NLGN1: variants seen among roughly 807,000 people sequenced by gnomAD.
NLGN1 encodes the protein neuroligin 1.
NLGN1 carries 12 observed loss-of-function variants against 65.5 expected under a neutral mutation model. The observed-to-expected ratio is 0.18, with a 90% CI of 0.12 to 0.30. The LOEUF (loss-of-function observed/expected upper bound fraction) is 0.30. NLGN1 is among the 10% of genes least tolerant of loss of function. The pLI is 1.00. For missense variants in NLGN1, 750 were observed against 1,007.1 expected (o/e 0.74, Z 3.46); for synonymous variants, 350 against 359.5 (o/e 0.97, Z 0.30).
chr3:173,973,633 C>T (rs1716782363), intron 4 of NLGN1, among the ~76,000 whole-genome samples: 1 of 151,744 alleles, frequency 6.6e-6, no homozygotes, highest in Admixed American at 6.6e-5. Context: ...TGGTAAAAGA[C>T]AAATTCTGTG....
intron 4 of NLGN1, among the ~76,000 whole-genome samples, chr3:173,968,796 T>C (rs1715492411): frequency 6.8e-6 from 1 of 147,440 alleles, no homozygotes; most frequent in African/African-American, 2.5e-5. Flanking sequence ...CCTCCCAGGT[T>C]CATGTAATTC....
At chr3:173,791,993 A>G (rs1395275499) in intron 3 of NLGN1, among the ~76,000 whole-genome samples, 1 of 152,114 alleles carries the variant, frequency 6.6e-6, no homozygotes, top group East Asian at 1.9e-4. Flanking sequence ...CTTAACATTT[A>G]TTGCATCAGG....
At chr3:174,012,004 C>T (rs975558332) in intron 4 of NLGN1, among the ~76,000 whole-genome samples, 6 of 152,038 alleles carry the variant, frequency 3.9e-5, no homozygotes, top group Admixed American at 3.9e-4. Flanking sequence ...GATGAAAGAC[C>T]ACAACTTCTC....
At chr3:173,539,937 G>A (rs62292667) in intron 2 of NLGN1, among the ~76,000 whole-genome samples, 68,633 of 147,486 alleles carry the variant, frequency 0.47, 15,784 homozygotes, top group East Asian at 0.79. Context: ...GTGTGTGTGT[G>A]TGTATATATA....
chr3:173,872,542 G>C (rs978587468), intron 4 of NLGN1, among the ~76,000 whole-genome samples: 5 of 152,112 alleles, frequency 3.3e-5, no homozygotes, highest in African/African-American at 4.8e-5. Flanking sequence ...AAAAGACTTT[G>C]GTGTGAGTTT....
At chr3:173,605,993 A>G (rs1751350240) in intron 3 of NLGN1, among the ~76,000 whole-genome samples, 1 of 152,122 alleles carries the variant, frequency 6.6e-6, no homozygotes, top group South Asian at 2.1e-4. Context: ...TGATCACTCA[A>G]TCACAAATCT....
intron 3 of NLGN1, among the ~76,000 whole-genome samples, chr3:173,699,141 C>T (rs1425223359): frequency 6.6e-6 from 1 of 152,100 alleles, no homozygotes; most frequent in Non-Finnish European, 1.5e-5. Flanking sequence ...CAAGCGTGAG[C>T]CACCGCACCT....
chr3:174,130,136 AG>A (rs1474280112), intron 4 of NLGN1, among the ~76,000 whole-genome samples: 1 of 152,192 alleles, frequency 6.6e-6, no homozygotes, highest in Non-Finnish European at 1.5e-5. Flanking sequence ...GCCCTTTGGG[AG>A]GCCAAGGCAG....
At chr3:174,073,581 G>A (rs954365118) in intron 4 of NLGN1, among the ~76,000 whole-genome samples, 1 of 152,148 alleles carries the variant, frequency 6.6e-6, no homozygotes, top group Non-Finnish European at 1.5e-5. Context: ...ATATGTAGCA[G>A]TGAAGCCTGA....
intron 4 of NLGN1, among the ~76,000 whole-genome samples, chr3:174,181,811 G>GCACACACACACACACACACACACA (rs1360202992): frequency 1.0e-5 from 1 of 98,166 alleles, no homozygotes; most frequent in Non-Finnish European, 2.1e-5. Flanking sequence ...ACACACATAT[G>GCACACACACACACACACACACACA]TATGTACACA....
At chr3:174,107,478 TTTA>T (rs1020182885) in intron 4 of NLGN1, among the ~76,000 whole-genome samples, 2 of 152,142 alleles carry the variant, frequency 1.3e-5, no homozygotes, top group African/African-American at 2.4e-5. Context: ...ATCTTTCCAG[TTTA>T]TTGTTAAGTA....
chr3:174,008,772 G>T (rs907255526), intron 4 of NLGN1, among the ~76,000 whole-genome samples: 2 of 151,932 alleles, frequency 1.3e-5, no homozygotes, highest in East Asian at 3.9e-4. Flanking sequence ...TTCACAAAAT[G>T]TAAGGTCCTT....
chr3:173,428,984 T>C (rs1022960559), intron 1 of NLGN1, among the ~76,000 whole-genome samples: 5 of 152,280 alleles, frequency 3.3e-5, no homozygotes, highest in South Asian at 4.1e-4. Flanking sequence ...AGTAGTCTTA[T>C]TTGGGTTGAA....
chr3:173,536,716 C>A (rs566070174), intron 2 of NLGN1, among the ~76,000 whole-genome samples: 2 of 152,150 alleles, frequency 1.3e-5, no homozygotes, highest in Non-Finnish European at 2.9e-5. Flanking sequence ...AGTCAGGACT[C>A]TCCAGATAAT....
At chr3:173,936,977 T>C (rs777391676) in intron 4 of NLGN1, among the ~76,000 whole-genome samples, 4 of 152,068 alleles carry the variant, frequency 2.6e-5, no homozygotes, top group Non-Finnish European at 5.9e-5. Context: ...CATATAAAAC[T>C]CATTTGAACA....
At chr3:173,400,558 C>T (rs1717483802) in intron 1 of NLGN1, among the ~76,000 whole-genome samples, 1 of 152,160 alleles carries the variant, frequency 6.6e-6, no homozygotes, top group Admixed American at 6.5e-5. Flanking sequence ...CTACCCCACC[C>T]CACCAAATAT....
At chr3:173,532,518 A>G (rs897019764) in intron 2 of NLGN1, among the ~76,000 whole-genome samples, 1 of 152,166 alleles carries the variant, frequency 6.6e-6, no homozygotes, top group Non-Finnish European at 1.5e-5. Flanking sequence ...TTTCTAAGCC[A>G]CTTGTCTTAC....
chr3:173,584,894 A>G (rs1747088085), intron 2 of NLGN1: 1 of 152,198 alleles, frequency 6.6e-6, no homozygotes, highest in African/African-American at 2.4e-5. Context: ...ATTTCAAAAA[A>G]GCGTCTAGAA....
chr3:174,290,653 A>C (rs1752664145), downstream of NLGN1, among the ~76,000 whole-genome samples: 1 of 151,156 alleles, frequency 6.6e-6, no homozygotes, highest in Non-Finnish European at 1.5e-5. Flanking sequence ...TATTTGCAAC[A>C]CATATAAGCA....
Sources: allele counts gnomAD v4.1 joint callset (sites outside exome capture counted in the v4.1 genomes callset), GRCh38; gene constraint gnomAD v4.1.1; transcripts MANE v1.5; gene names NCBI Gene and HGNC (gene_info 2026-07-23, HGNC 2026-07-21).